The following SPCS2 variants were observed in gnomAD, a reference collection of about 807,000 sequenced individuals.
The protein encoded by SPCS2 is signal peptidase complex subunit 2.
SPCS2 carries 3 observed loss-of-function variants against 22.3 expected under a neutral mutation model. The observed-to-expected ratio is 0.13, with a 90% CI of 0.06 to 0.35. The LOEUF (loss-of-function observed/expected upper bound fraction) is 0.35, where lower values mean the gene tolerates loss of function less well. Among genes scored for constraint, SPCS2 ranks in the 10% least tolerant of loss-of-function variants. SPCS2 has a pLI of 1.00. For synonymous variants in SPCS2, 67 were observed against 97.2 expected, an observed-to-expected ratio of 0.69 and a Z score of 1.83; for missense variants, 169 against 280.9, an observed-to-expected ratio of 0.60 and a Z score of 2.85.
In SPCS2 at chr11:74,949,490, A is replaced by G. The variant is rs1188745705; in HGVS notation, c.114+91A>G. On this transcript the variant is annotated intron_variant, in intron 1 of 4. Coordinates refer to ENST00000263672, the MANE Select transcript of SPCS2 (RefSeq NM_014752.3). Reference sequence around the variant, plus strand: ...CCCATCCCGGTCTCCCTTATTTTCTACGGCCTTTTGAGGGGAGCCCTTGTG... The same window carrying G: ...CCCATCCCGGTCTCCCTTATTTTCTGCGGCCTTTTGAGGGGAGCCCTTGTG... 1.5e-5 allele frequency: 18 copies of G among 1,197,780 alleles called. 1 individual carries two copies. Among genetic ancestry groups the G allele is most frequent in the Admixed American group, 2.0e-5 (1 of 50,012 alleles). 74.2% of individuals were successfully genotyped at this position (1,197,780 alleles called of 1,614,324 possible).
intron 4 of SPCS2, among the ~76,000 whole-genome samples, chr11:74,974,972 C>A (rs1354149957): frequency 3.3e-5 from 5 of 152,096 alleles, no homozygotes; most frequent in Non-Finnish European, 7.3e-5. Context: ...AGTCTATTCC[C>A]AGGACAGCAA....
At chr11:74,967,880 G>T (rs1454812644) in intron 3 of SPCS2, among the ~76,000 whole-genome samples, 1 of 152,156 alleles carries the variant, frequency 6.6e-6, no homozygotes, top group Non-Finnish European at 1.5e-5. Flanking sequence ...GCTGCAGTGA[G>T]CTGAGATCAT....
At chr11:74,975,375 C>T (rs902522314) in intron 4 of SPCS2, among the ~76,000 whole-genome samples, 1 of 152,044 alleles carries the variant, frequency 6.6e-6, no homozygotes, top group East Asian at 1.9e-4. Flanking sequence ...ACTGTCTGTT[C>T]CCTCACACAC....
At chr11:74,967,268 G>A (rs1213784557) in intron 3 of SPCS2, among the ~76,000 whole-genome samples, 1 of 152,106 alleles carries the variant, frequency 6.6e-6, no homozygotes, top group Admixed American at 6.5e-5. Context: ...TATTCCATAG[G>A]TTCTAGAGAC....
chr11:74,951,810 C>CACAAAAA (rs1948447778), intron 1 of SPCS2, among the ~76,000 whole-genome samples: 1 of 81,362 alleles, frequency 1.2e-5, no homozygotes, highest in Non-Finnish European at 2.4e-5. Context: ...AACTCTGTCT[C>CACAAAAA]AAAAAAAAAA....
chr11:74,957,322 A>G (rs958588299), intron 1 of SPCS2, among the ~76,000 whole-genome samples: 1 of 152,238 alleles, frequency 6.6e-6, no homozygotes, highest in Admixed American at 6.5e-5. Context: ...AGAAACCCAG[A>G]AAAGTCATAT....
rs1272386836 is a variant in SPCS2, at chr11:74,965,891, G to A, written c.327G>A (p.Glu109=). ...LIWDYMHPFP[E]SKPVLALCVI... is the part of the protein sequence containing the mutation. ...GGGATTATATGCACCCCTTTCCAGA[G>A]TCCAAACCCGTTTTGGCTTTGTGTG... Residue 109 remains glutamate, a synonymous_variant, in exon 3 of 5, where the codon GAG becomes GAA. Coordinates refer to ENST00000263672, the MANE Select transcript of SPCS2 (RefSeq NM_014752.3). 1 of 1,611,660 alleles carries A rather than the reference G, an allele frequency of 6.2e-7. No individual in the cohort carries two copies. The highest frequency in any genetic ancestry group is 8.5e-7 in the Non-Finnish European group (1 of 1,179,272).
chr11:74,968,048 G>A (rs867878128), intron 3 of SPCS2: 1 of 152,128 alleles, frequency 6.6e-6, no homozygotes, highest in African/African-American at 2.4e-5. Context: ...CTAAGACTTG[G>A]GGAAGGAAGT....
rs139176128 is a variant in SPCS2, at chr11:74,962,582, G to A, written c.115-2452G>A. Among the ~76,000 whole-genome samples the A allele has an allele frequency of 4.1e-4, 62 of 151,102 alleles. No individual in the cohort carries two copies. The East Asian group carries it at 0.011, about 26-fold the overall frequency. On this transcript the variant is annotated intron_variant, in intron 1 of 4. Coordinates refer to ENST00000263672, the MANE Select transcript of SPCS2 (RefSeq NM_014752.3). ...AAAAAAGATAGCTTTTAAAATACCCGAATTAGTAGTAGAGAGAACATGAGG... is the reference window on the plus strand; with the variant it reads ...AAAAAAGATAGCTTTTAAAATACCCAAATTAGTAGTAGAGAGAACATGAGG...
At chr11:74,972,225 G>A (rs1209689612) in intron 4 of SPCS2, among the ~76,000 whole-genome samples, 4 of 151,932 alleles carry the variant, frequency 2.6e-5, no homozygotes, top group Admixed American at 6.6e-5. Context: ...GACCACACCC[G>A]GCTAATTTTT....
intron 3 of SPCS2, among the ~76,000 whole-genome samples, chr11:74,966,995 A>G (rs568108171): frequency 6.6e-6 from 1 of 152,290 alleles, no homozygotes; most frequent in Middle Eastern, 3.4e-3. Context: ...GGCCCAAGCA[A>G]TCCTCCCAAA....
At chr11:74,959,834 A>T (rs1211856910) in intron 1 of SPCS2, among the ~76,000 whole-genome samples, 3 of 152,278 alleles carry the variant, frequency 2.0e-5, no homozygotes, top group African/African-American at 7.2e-5. Context: ...TATCCTTCAG[A>T]CCTGAGTTGT....
chr11:74,956,343 G>A (rs1280554228), intron 1 of SPCS2, among the ~76,000 whole-genome samples: 1 of 152,106 alleles, frequency 6.6e-6, no homozygotes, highest in Admixed American at 6.6e-5. Context: ...CCACTTAAAT[G>A]TCTAAAACAT....
intron 1 of SPCS2, among the ~76,000 whole-genome samples, chr11:74,963,391 T>C (rs1948525212): frequency 6.6e-6 from 1 of 152,172 alleles, no homozygotes; most frequent in Non-Finnish European, 1.5e-5. Flanking sequence ...GCTCATGTTA[T>C]TTCTTCTAAC....
At chr11:74,970,707 C>A (rs2140220380) in intron 4 of SPCS2, among the ~76,000 whole-genome samples, 1 of 152,322 alleles carries the variant, frequency 6.6e-6, no homozygotes, top group South Asian at 2.1e-4. Context: ...TGCTTATCTC[C>A]TGACAGGGCT....
intron 1 of SPCS2, among the ~76,000 whole-genome samples, chr11:74,960,710 C>A (rs1948509060): frequency 6.6e-6 from 1 of 152,074 alleles, no homozygotes; most frequent in South Asian, 2.1e-4. Flanking sequence ...CCACTTTCTG[C>A]CTTTCACCTT....
At position 74,976,920 on chromosome 11, in the gene SPCS2, A is replaced by G; in HGVS notation, c.558A>G (p.Glu186=). The change falls in exon 5 of 5, where the codon GAA becomes GAG. Residue 186 remains glutamate (E), a synonymous_variant. Transcript: ENST00000263672. Reference sequence around the variant, plus strand: ...GTGGGAGAACAAAGCAGCAGCGGGAAGCCGAGTTCACAAAGTCCATTGCTA... The same window carrying G: ...GTGGGAGAACAAAGCAGCAGCGGGAGGCCGAGTTCACAAAGTCCATTGCTA... ...FISGRTKQQR[E]AEFTKSIAKF... 1 of 1,613,466 alleles carries G rather than the reference A, an allele frequency of 6.2e-7. No homozygotes were observed. Among genetic ancestry groups the G allele is most frequent in the South Asian group, 1.1e-5 (1 of 91,038 alleles).
intron 1 of SPCS2, among the ~76,000 whole-genome samples, chr11:74,964,336 A>G (rs1194218223): frequency 6.6e-6 from 1 of 152,222 alleles, no homozygotes; most frequent in Non-Finnish European, 1.5e-5. Context: ...GTGTTTGGGA[A>G]ACTTTCTAAA....
chr11:74,964,129 G>A (rs1948530906), intron 1 of SPCS2, among the ~76,000 whole-genome samples: 1 of 152,158 alleles, frequency 6.6e-6, no homozygotes, highest in Admixed American at 6.5e-5. Flanking sequence ...ATGAGCACTC[G>A]AGTTACCTCC....
Sources: allele counts gnomAD v4.1 joint callset (sites outside exome capture counted in the v4.1 genomes callset), GRCh38; gene constraint gnomAD v4.1.1; transcripts MANE v1.5; gene names NCBI Gene and HGNC (gene_info 2026-07-23, HGNC 2026-07-21).